The following RBFOX1 variants were observed in gnomAD, a reference collection of about 807,000 sequenced individuals.
RBFOX1 encodes RNA binding protein fox-1 homolog 1.
RBFOX1 carries 8 observed loss-of-function variants against 57.7 expected under a neutral mutation model. That is an observed-to-expected ratio of 0.14 (90% confidence interval 0.08 to 0.25). The LOEUF is 0.25. Ranked by LOEUF, RBFOX1 falls within the 10% of genes least tolerant of loss-of-function variation. RBFOX1 has a pLI of 1.00. For synonymous variants in RBFOX1, 326 were observed against 222.4 expected (o/e 1.47, Z -4.15); for missense variants, 611 against 548.5 (o/e 1.11, Z -1.14).
At chr16:7,690,894 C>G (rs2077170112) in intron 14 of RBFOX1, among the ~76,000 whole-genome samples, 1 of 152,042 alleles carries the variant, frequency 6.6e-6, no homozygotes, top group Non-Finnish European at 1.5e-5. Flanking sequence ...TAGAACTGTA[C>G]CAGAATTCTT....
chr16:5,499,668 G>A (rs371345865), intron 2 of RBFOX1, among the ~76,000 whole-genome samples: 21 of 151,968 alleles, frequency 1.4e-4, no homozygotes, highest in African/African-American at 4.8e-4. Context: ...CATCTCCCGG[G>A]TTCAAGCCAT....
chr16:6,145,164 T>C (rs2096748269), intron 1 of RBFOX1, among the ~76,000 whole-genome samples: 1 of 152,124 alleles, frequency 6.6e-6, no homozygotes, highest in Admixed American at 6.6e-5. Context: ...ATTAGTTATA[T>C]TTCCTGATCC....
chr16:6,386,944 T>C (rs1256451021), intron 2 of RBFOX1, among the ~76,000 whole-genome samples: 1 of 151,956 alleles, frequency 6.6e-6, no homozygotes, highest in Non-Finnish European at 1.5e-5. Flanking sequence ...GGTTGAAAAA[T>C]AAAGAGAGAG....
intron 5 of RBFOX1, among the ~76,000 whole-genome samples, chr16:7,567,741 A>ATG (rs1567870223): frequency 6.9e-6 from 1 of 145,924 alleles, no homozygotes; most frequent in Non-Finnish European, 1.5e-5. Flanking sequence ...TATAATCCCT[A>ATG]TATATATCCA....
rs73526896 is a variant in RBFOX1, at chr16:5,462,933, C to G, written c.220-4283C>G. 2.6e-3 allele frequency among the ~76,000 whole-genome samples: 394 copies of G among 152,192 alleles called. 3 individuals are homozygous for G. Among genetic ancestry groups the G allele is most frequent in the African/African-American group, 9.1e-3 (379 of 41,530 alleles). On this transcript the variant is annotated intron_variant, in intron 1 of 2. Transcript: ENST00000585867. ...TTCAATGTTGCTGAAGTTAAGAAAC[C>G]CAGTTATCCATGATTTGTCTGGGAA... is the stretch of plus-strand genomic sequence containing the variant.
chr16:6,767,857 T>C (rs1467473078), intron 3 of RBFOX1, among the ~76,000 whole-genome samples: 3 of 150,872 alleles, frequency 2.0e-5, no homozygotes, highest in Non-Finnish European at 2.9e-5. Flanking sequence ...GAGGTTGCAG[T>C]GAGCCGAGAT....
intron 3 of RBFOX1, among the ~76,000 whole-genome samples, chr16:6,814,639 G>T (rs1182042101): frequency 1.3e-5 from 2 of 152,124 alleles, no homozygotes; most frequent in East Asian, 3.9e-4. Flanking sequence ...ATGACAGGTA[G>T]GGGACAAAGA....
intron 4 of RBFOX1, among the ~76,000 whole-genome samples, chr16:7,350,011 A>G (rs190548302): frequency 1.6e-4 from 25 of 152,240 alleles, no homozygotes; most frequent in African/African-American, 6.0e-4. Flanking sequence ...AGCTGGCATG[A>G]TGGCGCATGC....
chr16:5,400,148 G>A (rs763272469), intron 1 of RBFOX1, among the ~76,000 whole-genome samples: 1 of 151,054 alleles, frequency 6.6e-6, no homozygotes, highest in African/African-American at 2.4e-5. Context: ...CACCCAGGCT[G>A]GAGTGCAGTC....
rs34012786 is a variant in RBFOX1, at chr16:6,410,303, C to CTTT, written c.-64+93266_-64+93268dup. Among the ~76,000 whole-genome samples the CTTT allele has an allele frequency of 1.9e-3, 163 of 86,680 alleles. 6 individuals carry two copies. The highest frequency in any genetic ancestry group is 4.9e-3 in the African/African-American group (98 of 20,034). The allele number at this position is 86,680 out of a possible 152,430, so 56.9% of individuals were successfully genotyped here. ...CCTGCTGAAACGATGACCTAGGGTT[C>CTTT]TTTTTTTTTTTTTTTTTTTTTTGAG... On this transcript the variant is annotated intron_variant, in intron 2 of 15. Coordinates refer to ENST00000550418, the MANE Select transcript of RBFOX1 (RefSeq NM_018723.4).
intron 3 of RBFOX1, among the ~76,000 whole-genome samples, chr16:6,778,483 C>T (rs1298855139): frequency 6.6e-6 from 1 of 152,104 alleles, no homozygotes; most frequent in Admixed American, 6.5e-5. Flanking sequence ...AATATAATTA[C>T]ACCCAATCCT....
chr16:5,373,492 G>A (rs2065909664), intron 1 of RBFOX1, among the ~76,000 whole-genome samples: 1 of 152,042 alleles, frequency 6.6e-6, no homozygotes, highest in Non-Finnish European at 1.5e-5. Flanking sequence ...CTCTGCCCAT[G>A]TAAGACGCAC....
At chr16:6,699,333 C>T (rs1166253288) in intron 3 of RBFOX1, among the ~76,000 whole-genome samples, 1 of 150,206 alleles carries the variant, frequency 6.7e-6, no homozygotes, top group Non-Finnish European at 1.5e-5. Flanking sequence ...CTTTCAGGAT[C>T]AGTGACTAAA....
intron 4 of RBFOX1, among the ~76,000 whole-genome samples, chr16:5,979,878 A>G (rs1018592981): frequency 2.0e-5 from 3 of 152,150 alleles, no homozygotes; most frequent in African/African-American, 7.2e-5. Flanking sequence ...GAAAGAAATT[A>G]AAGTGTATTT....
chr16:5,353,936 G>A (rs752845070), intron 1 of RBFOX1, among the ~76,000 whole-genome samples: 13 of 152,030 alleles, frequency 8.6e-5, no homozygotes, highest in Admixed American at 4.6e-4. Context: ...AGCCTGGGGC[G>A]GTGTAGTAAA....
chr16:5,424,872 TTTTTTTC>T (rs1174240000), intron 1 of RBFOX1, among the ~76,000 whole-genome samples: 30 of 100,260 alleles, frequency 3.0e-4, no homozygotes, highest in African/African-American at 7.7e-4. Flanking sequence ...CTTTCTTTCT[TTTTTTTC>T]TTTCTTTCTT....
In RBFOX1 at chr16:7,191,352, A is replaced by AAC. The variant is rs1321292772; in HGVS notation, c.27+139254_27+139255insAC. On this transcript the variant is annotated intron_variant, in intron 4 of 15. Transcript: ENST00000550418. ...CTGACAAAAAAAGAAAAAAAAAAAA[A>AAC]CAGCACATTGCTACAATATTTCCTG... Among the ~76,000 whole-genome samples the AAC allele has an allele frequency of 2.6e-3, 379 of 148,158 alleles. 1 individual carries two copies. The highest frequency in any genetic ancestry group is 8.9e-3 in the African/African-American group (358 of 40,122).
chr16:7,503,170 G>C (rs556303123), intron 4 of RBFOX1, among the ~76,000 whole-genome samples: 3 of 152,156 alleles, frequency 2.0e-5, no homozygotes, highest in Non-Finnish European at 4.4e-5. Flanking sequence ...GAGAGTATTT[G>C]ATTATCCTTT....
chr16:7,454,212 A>G (rs1247223052), intron 4 of RBFOX1, among the ~76,000 whole-genome samples: 1 of 152,170 alleles, frequency 6.6e-6, no homozygotes, highest in Non-Finnish European at 1.5e-5. Context: ...CAGCCTGGGC[A>G]GGAGGGCGAG....
Sources: allele counts gnomAD v4.1 joint callset (sites outside exome capture counted in the v4.1 genomes callset), GRCh38; gene constraint gnomAD v4.1.1; transcripts MANE v1.5; gene names NCBI Gene and HGNC (gene_info 2026-07-23, HGNC 2026-07-21).